PIGR: variants seen among roughly 807,000 people sequenced by gnomAD.
PIGR encodes polymeric immunoglobulin receptor, also known as hepatocellular carcinoma associated protein TB6.
Under a neutral mutation model 69.5 loss-of-function variants are expected in PIGR, and 22 were observed. The observed-to-expected ratio is 0.32, with a 90% CI of 0.23 to 0.45. The LOEUF (loss-of-function observed/expected upper bound fraction) is 0.45. Among genes scored for constraint, PIGR ranks in the 20% least tolerant of loss-of-function variants. The pLI is 1.00. For missense variants in PIGR, 885 were observed against 974.0 expected (o/e 0.91, Z 1.22); for synonymous variants, 413 against 407.6 (o/e 1.01, Z -0.16).
rs1679669998 is a variant in PIGR, at chr1:206,928,972, C to G, written c.*1346G>C. The G allele has an allele frequency of 6.6e-6, 1 of 150,788 alleles. No homozygotes were observed. The highest frequency in any genetic ancestry group is 1.5e-5 in the Non-Finnish European group (1 of 67,956). 9.3% of individuals were successfully genotyped at this position (150,788 alleles called of 1,614,324 possible). A position where few individuals can be genotyped will look rare whatever the true frequency, so the allele number is the denominator to read the frequency against. On this transcript the variant is annotated 3_prime_UTR_variant, in exon 11 of 11. Coordinates refer to ENST00000356495, the MANE Select transcript of PIGR (RefSeq NM_002644.4). ...CAGGGCCAGGCTCAGTGGCTCATGCCTATATAATCCCAGTACTTTGAGAAG... is the reference window on the plus strand; with the variant it reads ...CAGGGCCAGGCTCAGTGGCTCATGCGTATATAATCCCAGTACTTTGAGAAG...
At position 206,929,942 on chromosome 1, in the gene PIGR, A is replaced by C; in HGVS notation, c.*376T>G. ...GGGAGGGAGGGATGGAGTGGAGGGAAAAATTCTGTTGACATCCCATGATAA... is the reference window on the plus strand; with the variant it reads ...GGGAGGGAGGGATGGAGTGGAGGGACAAATTCTGTTGACATCCCATGATAA... On this transcript the variant is annotated 3_prime_UTR_variant, in exon 11 of 11. Coordinates refer to ENST00000356495, the MANE Select transcript of PIGR (RefSeq NM_002644.4). 1.0e-5 allele frequency: 2 copies of C among 193,786 alleles called. No homozygotes were observed. The highest frequency in any genetic ancestry group is 1.0e-5 in the Non-Finnish European group (1 of 95,946). The allele number at this position is 193,786 out of a possible 1,614,324, so 12.0% of individuals were successfully genotyped here.
In PIGR at chr1:206,941,883, C is replaced by T. The variant is rs369874478; in HGVS notation, c.-53-1299G>A. Among the ~76,000 whole-genome samples the T allele has an allele frequency of 3.3e-5, 5 of 152,282 alleles. No individual in the cohort carries two copies. In the East Asian group the frequency reaches 9.7e-4, roughly 29 times the overall value. ...CTTGACAAAGAGAGTGTTAAATGAT[C>T]GTAAGTTTGGGCAGTAATGAGTGCC... On this transcript the variant is annotated intron_variant, in intron 1 of 10. Transcript: ENST00000356495.
At chr1:206,931,344 CA>C (rs1368286150) in intron 10 of PIGR, 152 bp downstream of exon 10, 1 of 1,526,260 alleles carries the variant, frequency 6.6e-7, no homozygotes, top group East Asian at 2.4e-5. Flanking sequence ...AGTTCTTCCT[CA>C]AAAAGTCCTG....
Position 206,935,642 on chromosome 1 carries a change from G to C in PIGR, c.1222C>G (p.Gln408Glu), listed in dbSNP as rs1039903284. 6.2e-7 allele frequency: 1 copy of C among 1,614,040 alleles called. No individual in the cohort carries two copies. The change falls in exon 5 of 11, where the codon CAG becomes GAG. Residue 408 changes from glutamine (Q) to glutamate (E), a missense_variant. Physicochemically the swap from Gln to Glu is conservative, Grantham distance 29. Coordinates refer to ENST00000356495, the MANE Select transcript of PIGR (RefSeq NM_002644.4). The surrounding 1 kb of genome is among the most constrained non-coding windows in gnomAD (Gnocchi z 4.4). ...AGCAGGGAGAGGCGGCCCTCGTACT[G>C]GGCCTTAACCCACCCCTCGCTGTCC... ...LVDSEGWVKA[Q>E]YEGRLSLLEE... is the part of the protein sequence containing the mutation.
Position 206,939,274 on chromosome 1 carries a change from T to A in PIGR, c.233A>T (p.Tyr78Phe). 2 of 1,614,212 alleles carry A rather than the reference T, an allele frequency of 1.2e-6. No individual in the cohort carries two copies. The highest frequency in any genetic ancestry group is 3.3e-5 in the Admixed American group (2 of 60,034). ...ISSEGYVSSK[Y>F]AGRANLTNFP... ...GTTGGTGAGGTTAGCCCTGCCTGCA[T>A]ATTTGCTGGAGACGTAGCCCTCCGA... The change falls in exon 3 of 11, where the codon TAT (tyrosine) becomes TTT (phenylalanine). Residue 78 changes from tyrosine to phenylalanine, a missense_variant. Coordinates refer to ENST00000356495, the MANE Select transcript of PIGR (RefSeq NM_002644.4).
chr1:206,940,130 C>T (rs1051613974), intron 2 of PIGR, among the ~76,000 whole-genome samples: 17 of 152,074 alleles, frequency 1.1e-4, no homozygotes, highest in African/African-American at 4.1e-4. Flanking sequence ...ATTTTCTTTT[C>T]TTTTTTTTCC....
chr1:206,934,857 A>ATATTTT (rs1239156619), intron 5 of PIGR, 111 bp from the exon 6 acceptor site: 6 of 622,208 alleles, frequency 9.6e-6, no homozygotes, highest in Non-Finnish European at 1.5e-5. Context: ...ATATATATAT[A>ATATTTT]TATTTTTGTT....
intron 7 of PIGR, 114 bp downstream of exon 7, chr1:206,932,872 G>A: frequency 9.4e-7 from 1 of 1,059,628 alleles, no homozygotes; most frequent in Non-Finnish European, 1.4e-6. Flanking sequence ...GGTAGTAAGG[G>A]CTGCCCCAGT....
intron 7 of PIGR, 111 bp downstream of exon 7, chr1:206,932,875 G>T: frequency 9.2e-7 from 1 of 1,087,296 alleles, no homozygotes; most frequent in Non-Finnish European, 1.3e-6. Context: ...AGTAAGGGCT[G>T]CCCCAGTGCT....
chr1:206,932,428 G>A (rs1679772101), intron 8 of PIGR, 28 bp downstream of exon 8: 1 of 1,592,286 alleles, frequency 6.3e-7, no homozygotes, highest in African/African-American at 1.3e-5. Context: ...GTTGGAGGTG[G>A]GAGGCAGGGA....
intron 1 of PIGR, among the ~76,000 whole-genome samples, chr1:206,944,744 T>G (rs148850687): frequency 6.0e-4 from 91 of 152,240 alleles, no homozygotes; most frequent in African/African-American, 1.9e-3. Context: ...CTGAGCACAA[T>G]GCATAGGTAT....
In PIGR at chr1:206,939,431, C is replaced by A; in HGVS notation, c.76G>T (p.Glu26Ter). 2 of 1,609,076 alleles carry A rather than the reference C, an allele frequency of 1.2e-6. No individual in the cohort carries two copies. The highest frequency in any genetic ancestry group is 1.7e-6 in the Non-Finnish European group (2 of 1,175,904). ...TTACCTTCCACACTATTCACCTCCT[C>A]GGGACCAAATATGGGACTCTTCGTG... is the stretch of plus-strand genomic sequence containing the variant. ...ISTKSPIFGP[E>*]EVNSVEGNSV... The change falls in exon 3 of 11, where the codon GAG (glutamate) becomes TAG (stop). Residue 26 changes from glutamate to a stop codon, truncating the protein, a stop_gained. Transcript: ENST00000356495. LOFTEE classifies it high-confidence loss of function.
At chr1:206,931,825 G>A (rs777221626) in intron 8 of PIGR, 23 bp from the exon 9 acceptor site, 2 of 1,613,874 alleles carry the variant, frequency 1.2e-6, no homozygotes, top group South Asian at 1.1e-5. Context: ...AAGAGGAGTT[G>A]GTGTAAGGAC....
intron 3 of PIGR, among the ~76,000 whole-genome samples, chr1:206,938,052 C>T (rs2102601240): frequency 6.6e-6 from 1 of 152,310 alleles, no homozygotes; most frequent in Non-Finnish European, 1.5e-5. Context: ...TCCTTGAAGG[C>T]TGGAACATGT....
chr1:206,943,054 C>G (rs1413087825), intron 1 of PIGR, among the ~76,000 whole-genome samples: 1 of 152,174 alleles, frequency 6.6e-6, no homozygotes, highest in East Asian at 1.9e-4. Context: ...GACTTTCTTC[C>G]AAACCTGGGG....
At chr1:206,933,187 C>T (rs754069855) in intron 6 of PIGR, 21 bp from the exon 7 acceptor site, 3 of 1,611,206 alleles carry the variant, frequency 1.9e-6, no homozygotes, top group East Asian at 2.2e-5. Flanking sequence ...GAAGAGTGGG[C>T]CTGGGTTGTG....
Position 206,932,480 on chromosome 1 carries a change from T to C in PIGR, c.1984A>G (p.Arg662Gly). 2 of 1,612,730 alleles carry C rather than the reference T, an allele frequency of 1.2e-6. No individual in the cohort carries two copies. The highest frequency in any genetic ancestry group is 1.7e-6 in the Non-Finnish European group (2 of 1,179,910). The change falls in exon 8 of 11, where the codon AGA becomes GGA. Residue 662 changes from arginine (R) to glycine (G), a missense_variant. By Grantham distance (125) the Arg-to-Gly change is moderately radical (BLOSUM62 -2). Transcript: ENST00000356495. ...AVGAVAVGVA[R>G]ARHRKNVDRV... is the part of the protein sequence containing the mutation. Reference sequence around the variant, plus strand: ...CCGACGTTCTTCCTGTGCCGGGCTCTGGCCACCCCCACAGCCACGGCTCCC... The same window carrying C: ...CCGACGTTCTTCCTGTGCCGGGCTCCGGCCACCCCCACAGCCACGGCTCCC...
In PIGR at chr1:206,934,708, C is replaced by T. The variant is rs759189356; in HGVS notation, c.1417G>A (p.Val473Met). 10 of 1,610,768 alleles carry T rather than the reference C, an allele frequency of 6.2e-6. No individual in the cohort carries two copies. The highest frequency in any genetic ancestry group is 3.3e-4 in the Middle Eastern group (2 of 6,084). The change falls in exon 6 of 11, where the codon GTG becomes ATG. Residue 473 changes from valine to methionine, a missense_variant. Transcript: ENST00000356495. ...NLKVPGNVTA[V>M]LGETLKVPCH... ...GGGACCTTGAGAGTCTCTCCCAGCA[C>T]AGCCGTGACATTCCCTGGTACCTTG...
chr1:206,932,618 T>A, intron 7 of PIGR, 41 bp from the exon 8 acceptor site: 1 of 1,574,466 alleles, frequency 6.4e-7, no homozygotes, highest in African/African-American at 1.4e-5. Context: ...GGAAGGGAGA[T>A]CTGGGGGCCC....
Sources: allele counts gnomAD v4.1 joint callset (sites outside exome capture counted in the v4.1 genomes callset), GRCh38; gene constraint gnomAD v4.1.1; non-coding constraint Gnocchi (gnomAD v3.1); transcripts MANE v1.5; gene names NCBI Gene and HGNC (gene_info 2026-07-23, HGNC 2026-07-21).